Variants in GRM1 observed in about 807,000 individuals in gnomAD.
GRM1 encodes the protein metabotropic glutamate receptor 1.
A neutral mutation model predicts 90.9 loss-of-function variants in GRM1; 33 were observed. That is an observed-to-expected ratio of 0.36 (90% CI 0.28 to 0.49). GRM1 has a LOEUF of 0.49. Among genes scored for constraint, GRM1 ranks in the 20% least tolerant of loss-of-function variants. The probability of loss-of-function intolerance (pLI) is 0.99; values close to 1 mark genes in which losing one functional copy is unlikely to be tolerated. For synonymous variants in GRM1, 700 were observed against 613.2 expected, an observed-to-expected ratio of 1.14 and a Z score of -2.09; for missense variants, 1,190 against 1,534.3, an observed-to-expected ratio of 0.78 and a Z score of 3.75.
At chr6:146,269,753 G>A (rs1378098138) in intron 2 of GRM1, among the ~76,000 whole-genome samples, 1 of 152,110 alleles carries the variant, frequency 6.6e-6, no homozygotes, top group Non-Finnish European at 1.5e-5. Flanking sequence ...CTGGTGATCT[G>A]AGGTGGAACA....
At chr6:146,336,178 G>T (rs1784766266) in intron 3 of GRM1, among the ~76,000 whole-genome samples, 1 of 152,222 alleles carries the variant, frequency 6.6e-6, no homozygotes, top group Non-Finnish European at 1.5e-5. Flanking sequence ...GAGTTGGAAA[G>T]AGTGTTAGTA....
rs1216711740 is a variant in GRM1, at chr6:146,047,506, G to A, written c.700+17289G>A. ...GTGGACATGTGGCCCGCCTCTCAGTGAAGCAAAAGGCATATCACAAGCTGG... is the reference window on the plus strand; with the variant it reads ...GTGGACATGTGGCCCGCCTCTCAGTAAAGCAAAAGGCATATCACAAGCTGG... On this transcript the variant is annotated intron_variant, in intron 1 of 7. Transcript: ENST00000282753. Among the ~76,000 whole-genome samples, 4 of 151,132 alleles carry A rather than the reference G, an allele frequency of 2.6e-5. 1 individual carries two copies. The Middle Eastern group carries it at 0.01, about 386-fold the overall frequency.
intron 7 of GRM1, among the ~76,000 whole-genome samples, chr6:146,414,231 G>C (rs1415804868): frequency 1.3e-5 from 2 of 152,030 alleles, no homozygotes; most frequent in East Asian, 3.9e-4. Context: ...TGCGTATGTA[G>C]AGGTATTTAA....
intron 5 of GRM1, among the ~76,000 whole-genome samples, chr6:146,375,090 A>G (rs947668276): frequency 6.6e-6 from 1 of 152,012 alleles, no homozygotes; most frequent in Non-Finnish European, 1.5e-5. Flanking sequence ...AATTCATTTC[A>G]ATAAATTTTT....
intron 2 of GRM1, among the ~76,000 whole-genome samples, chr6:146,237,472 T>C (rs1431186452): frequency 6.6e-6 from 1 of 152,090 alleles, no homozygotes; most frequent in African/African-American, 2.4e-5. Flanking sequence ...CAAATAGTTA[T>C]TTGTAAAATA....
intron 6 of GRM1, among the ~76,000 whole-genome samples, chr6:146,393,890 A>G (rs1018679733): frequency 6.6e-6 from 1 of 152,176 alleles, no homozygotes; most frequent in Non-Finnish European, 1.5e-5. Flanking sequence ...AGTAACCAAA[A>G]CAACTTGGTA....
chr6:146,280,583 G>A (rs1205258648), intron 2 of GRM1, among the ~76,000 whole-genome samples: 4 of 152,036 alleles, frequency 2.6e-5, no homozygotes, highest in Non-Finnish European at 5.9e-5. Flanking sequence ...ATAATGGATT[G>A]TATCCCCTTT....
intron 1 of GRM1, among the ~76,000 whole-genome samples, chr6:146,119,331 C>T (rs1265628270): frequency 6.6e-6 from 1 of 152,012 alleles, no homozygotes; most frequent in East Asian, 1.9e-4. Flanking sequence ...TTTGTAGATC[C>T]TGGATATTAG....
chr6:146,316,934 C>A (rs186713541), intron 3 of GRM1, among the ~76,000 whole-genome samples: 92 of 152,256 alleles, frequency 6.0e-4, no homozygotes, highest in South Asian at 2.3e-3. Context: ...TAAGAAAAAT[C>A]TTATTTTAAA....
intron 1 of GRM1, among the ~76,000 whole-genome samples, chr6:146,113,607 T>G (rs1439696998): frequency 1.3e-5 from 2 of 152,170 alleles, no homozygotes; most frequent in Non-Finnish European, 2.9e-5. Flanking sequence ...AGTACAGCGT[T>G]TTTTGAAGCC....
chr6:146,245,759 A>G (rs1781038288), intron 2 of GRM1, among the ~76,000 whole-genome samples: 1 of 152,206 alleles, frequency 6.6e-6, no homozygotes, highest in African/African-American at 2.4e-5. Flanking sequence ...AAGGAACAAA[A>G]TTCTTTTCTA....
At chr6:146,055,754 A>C (rs1775461997) in intron 1 of GRM1, among the ~76,000 whole-genome samples, 1 of 152,176 alleles carries the variant, frequency 6.6e-6, no homozygotes, top group African/African-American at 2.4e-5. Flanking sequence ...ATGGAATATA[A>C]ATGATTGCCA....
intron 2 of GRM1, among the ~76,000 whole-genome samples, chr6:146,251,342 C>A (rs1022003206): frequency 6.6e-6 from 1 of 152,148 alleles, no homozygotes; most frequent in African/African-American, 2.4e-5. Flanking sequence ...CAAATTTTCC[C>A]AGTCCTCTTT....
At chr6:146,204,247 T>A (rs1161201265) in intron 2 of GRM1, among the ~76,000 whole-genome samples, 2 of 152,224 alleles carry the variant, frequency 1.3e-5, no homozygotes, top group African/African-American at 4.8e-5. Context: ...TTGCTTCTGT[T>A]TAAAAATTCG....
chr6:146,271,064 G>A (rs1782142367), intron 2 of GRM1, among the ~76,000 whole-genome samples: 1 of 149,990 alleles, frequency 6.7e-6, no homozygotes, highest in Non-Finnish European at 1.5e-5. Flanking sequence ...GAGTTCAGTG[G>A]CATGATCTCA....
At chr6:146,352,607 T>C (rs1214024442) in intron 4 of GRM1, 111 bp downstream of exon 4, 10 of 1,043,756 alleles carry the variant, frequency 9.6e-6, no homozygotes, top group African/African-American at 1.6e-5. Context: ...TGAGGATAGA[T>C]ACAACTAGGT....
At chr6:146,291,213 CT>C (rs1166075083) in intron 2 of GRM1, among the ~76,000 whole-genome samples, 2 of 151,932 alleles carry the variant, frequency 1.3e-5, no homozygotes, top group East Asian at 3.8e-4. Flanking sequence ...GCTTTTCAAT[CT>C]GATAAGTTTT....
chr6:146,138,959 T>C (rs897510067), intron 1 of GRM1, among the ~76,000 whole-genome samples: 2 of 151,886 alleles, frequency 1.3e-5, no homozygotes, highest in African/African-American at 4.8e-5. Flanking sequence ...TGTAGACACT[T>C]ACAGCGCTAA....
intron 2 of GRM1, among the ~76,000 whole-genome samples, chr6:146,198,898 A>C (rs1779209619): frequency 6.6e-6 from 1 of 152,178 alleles, no homozygotes; most frequent in African/African-American, 2.4e-5. Context: ...AGCAAAGGAT[A>C]GTGACTTTCT....
Sources: allele counts gnomAD v4.1 joint callset (sites outside exome capture counted in the v4.1 genomes callset), GRCh38; gene constraint gnomAD v4.1.1; transcripts MANE v1.5; gene names NCBI Gene and HGNC (gene_info 2026-07-23, HGNC 2026-07-21).